The following BCR variants were observed in gnomAD, a reference collection of about 807,000 sequenced individuals.
BCR encodes the protein BCR activator of RhoGEF and GTPase, also known as breakpoint cluster region protein.
A neutral mutation model predicts 138.6 loss-of-function variants in BCR; 58 were observed. The ratio of observed to expected loss-of-function variants is 0.42; its 90% confidence interval spans 0.34 to 0.52. The LOEUF (loss-of-function observed/expected upper bound fraction) is 0.52. Ranked by LOEUF, BCR falls within the 20% of genes least tolerant of loss-of-function variation. BCR has a pLI of 0.06. For synonymous variants in BCR, 786 were observed against 730.1 expected, an observed-to-expected ratio of 1.08 and a Z score of -1.23; for missense variants, 1,599 against 1,727.2, an observed-to-expected ratio of 0.93 and a Z score of 1.32.
At chr22:23,284,932 A>G in intron 9 of BCR, 101 bp from the exon 10 acceptor site, 12 of 1,349,640 alleles carry the variant, frequency 8.9e-6, no homozygotes, top group Admixed American at 8.1e-5. Context: ...CAGGTAAACC[A>G]TGTATGGCCG....
chr22:23,215,733 A>C (rs1331487805), intron 1 of BCR, among the ~76,000 whole-genome samples: 1 of 152,132 alleles, frequency 6.6e-6, no homozygotes, highest in Non-Finnish European at 1.5e-5. Flanking sequence ...CTGCCTCCTA[A>C]GTGGAACTAA....
chr22:23,294,961 C>G, intron 15 of BCR, 63 bp from the exon 16 acceptor site: 1 of 1,583,528 alleles, frequency 6.3e-7, no homozygotes, highest in South Asian at 1.1e-5. Context: ...TTCAGAGGAC[C>G]CTTCAGCCAT....
chr22:23,181,449 G>A lies in BCR; in HGVS notation c.489G>A (p.Lys163=), dbSNP rs1310825314. 1.2e-6 allele frequency: 2 copies of A among 1,600,234 alleles called. No homozygotes were observed. Among genetic ancestry groups the A allele is most frequent in the Admixed American group, 3.4e-5 (2 of 59,392 alleles). The change falls in exon 1 of 23, where the codon AAG becomes AAA. Residue 163 remains lysine, a synonymous_variant. Transcript: ENST00000305877. ...GGTCCAACTTCGAGCGGATCCGCAAGGGCCATGGCCAGCCCGGGGCGGACG... is the reference window on the plus strand; with the variant it reads ...GGTCCAACTTCGAGCGGATCCGCAAAGGCCATGGCCAGCCCGGGGCGGACG... ...ALRSNFERIR[K]GHGQPGADAE...
At chr22:23,235,268 C>T (rs766900995) in intron 1 of BCR, among the ~76,000 whole-genome samples, 10 of 143,756 alleles carry the variant, frequency 7.0e-5, no homozygotes, top group South Asian at 2.3e-4. Flanking sequence ...TTAGTAGAGA[C>T]GGGGTTTCAC....
At chr22:23,300,192 C>T (rs1385907805) in intron 16 of BCR, among the ~76,000 whole-genome samples, 7 of 152,014 alleles carry the variant, frequency 4.6e-5, no homozygotes, top group Non-Finnish European at 8.8e-5. Context: ...GGGGCAGGTG[C>T]AAAAAGAATA....
intron 1 of BCR, among the ~76,000 whole-genome samples, chr22:23,228,698 T>C (rs1365683012): frequency 6.6e-6 from 1 of 152,202 alleles, no homozygotes; most frequent in East Asian, 1.9e-4. Flanking sequence ...CTGGCCTCTA[T>C]AGTTTCTGAT....
intron 15 of BCR, among the ~76,000 whole-genome samples, chr22:23,293,101 C>T (rs181042532): frequency 7.7e-4 from 117 of 152,136 alleles, no homozygotes; most frequent in African/African-American, 2.6e-3. Flanking sequence ...GCCGTGCCTT[C>T]CTCCACCTTG....
chr22:23,281,379 G>A (rs2073642599), intron 8 of BCR, among the ~76,000 whole-genome samples: 1 of 152,246 alleles, frequency 6.6e-6, no homozygotes. Context: ...CCCTTGCCGT[G>A]TGCCCTGGAG....
chr22:23,276,407 GAA>G (rs144153786), intron 8 of BCR, among the ~76,000 whole-genome samples: 51,814 of 125,306 alleles, frequency 0.41, 10,175 homozygotes, highest in African/African-American at 0.57. Flanking sequence ...TCAAAAAAAA[GAA>G]AAAAAAAAAA....
intron 1 of BCR, among the ~76,000 whole-genome samples, chr22:23,184,608 A>T (rs902223771): frequency 6.6e-6 from 1 of 152,156 alleles, no homozygotes; most frequent in South Asian, 2.1e-4. Context: ...TGTTTGTTAC[A>T]GTCCATGAAC....
chr22:23,241,418 G>A (rs900877852), intron 1 of BCR, among the ~76,000 whole-genome samples: 3 of 152,140 alleles, frequency 2.0e-5, no homozygotes, highest in Non-Finnish European at 2.9e-5. Flanking sequence ...GCCATGGCCC[G>A]CATCCTGGCT....
intron 16 of BCR, among the ~76,000 whole-genome samples, chr22:23,303,318 C>T (rs994548454): frequency 2.6e-5 from 4 of 152,092 alleles, no homozygotes; most frequent in Non-Finnish European, 4.4e-5. Flanking sequence ...TCACAGGGGA[C>T]GTGATGGGAG....
chr22:23,231,492 G>GC (rs968039369), intron 1 of BCR, among the ~76,000 whole-genome samples: 2 of 118,714 alleles, frequency 1.7e-5, no homozygotes, highest in African/African-American at 6.5e-5. Flanking sequence ...AGCCAACAGA[G>GC]CAAGACCCCG....
At position 23,180,576 on chromosome 22, in the gene BCR, C is replaced by T. The variant is rs886749187; in HGVS notation, c.-385C>T. The T allele has an allele frequency of 2.6e-5, 1 of 38,578 alleles. No individual in the cohort carries two copies. The highest frequency in any genetic ancestry group is 3.4e-5 in the Non-Finnish European group (1 of 29,402). 2.4% of individuals were successfully genotyped at this position (38,578 alleles called of 1,614,324 possible). On this transcript the variant is annotated 5_prime_UTR_variant, in exon 1 of 23. Transcript: ENST00000305877. ...CTGAGCTTAGCGTCCGAGGAGGCGG[C>T]GGCGGCGGCGGCGGCACGGCGGCGG...
intron 1 of BCR, among the ~76,000 whole-genome samples, chr22:23,239,699 C>T (rs1012373769): frequency 3.3e-5 from 5 of 152,208 alleles, no homozygotes; most frequent in Admixed American, 6.5e-5. Context: ...ACAGTTCTGA[C>T]GACTGGAAAT....
Position 23,253,807 on chromosome 22 carries a change from T to C in BCR, c.1288T>C (p.Phe430Leu), listed in dbSNP as rs2073260430. 4 of 1,611,622 alleles carry C rather than the reference T, an allele frequency of 2.5e-6. No homozygotes were observed. The East Asian group carries it at 8.9e-5, about 36-fold the overall frequency. The change falls in exon 2 of 23, where the codon TTC becomes CTC. Residue 430 changes from phenylalanine to leucine, a missense_variant. Physicochemically the swap from Phe to Leu is conservative, Grantham distance 22 (BLOSUM62 0). Coordinates refer to ENST00000305877, the MANE Select transcript of BCR (RefSeq NM_004327.4). ...GAFHGDADGS[F>L]GTPPGYGCAA... ...CTTCTTTGCACACACAGATGGCTCG[T>C]TCGGAACACCACCTGGATACGGCTG...
intron 22 of BCR, 89 bp downstream of exon 22, chr22:23,314,803 A>T: frequency 6.7e-7 from 1 of 1,497,122 alleles, no homozygotes; most frequent in Non-Finnish European, 9.2e-7. Flanking sequence ...CCATCTTCTT[A>T]CTTGCATTGT....
At chr22:23,231,786 C>G (rs1205816336) in intron 1 of BCR, among the ~76,000 whole-genome samples, 1 of 152,220 alleles carries the variant, frequency 6.6e-6, no homozygotes, top group African/African-American at 2.4e-5. Context: ...TGTCCCCACC[C>G]GTGCCTACGC....
intron 16 of BCR, among the ~76,000 whole-genome samples, chr22:23,308,213 A>G (rs1350227782): frequency 6.6e-6 from 1 of 152,086 alleles, no homozygotes; most frequent in Non-Finnish European, 1.5e-5. Context: ...TTCACTCCAG[A>G]ACTACCTGGG....
Sources: allele counts gnomAD v4.1 joint callset (sites outside exome capture counted in the v4.1 genomes callset), GRCh38; gene constraint gnomAD v4.1.1; transcripts MANE v1.5; gene names NCBI Gene and HGNC (gene_info 2026-07-23, HGNC 2026-07-21).